The following SMOC2 variants were observed in gnomAD, a reference collection of about 807,000 sequenced individuals.
The protein encoded by SMOC2 is SPARC-related modular calcium-binding protein 2.
Under a neutral mutation model 61.4 loss-of-function variants are expected in SMOC2, and 39 were observed. That is an observed-to-expected ratio of 0.64 (90% CI 0.49 to 0.83). The LOEUF (loss-of-function observed/expected upper bound fraction) is 0.83, where lower values mean the gene tolerates loss of function less well. SMOC2 is among the 40% of genes least tolerant of loss of function. SMOC2 has a pLI of 0.00. For synonymous variants in SMOC2, 247 were observed against 239.9 expected, an observed-to-expected ratio of 1.03 and a Z score of -0.27; for missense variants, 556 against 592.9, an observed-to-expected ratio of 0.94 and a Z score of 0.65.
chr6:168,513,502 C>T (rs1237408061), intron 2 of SMOC2, among the ~76,000 whole-genome samples: 2 of 151,410 alleles, frequency 1.3e-5, no homozygotes, highest in East Asian at 1.9e-4. Context: ...CACACACACA[C>T]ATAGACACTC....
At chr6:168,661,109 T>C (rs536998487) in intron 11 of SMOC2, among the ~76,000 whole-genome samples, 15 of 93,752 alleles carry the variant, frequency 1.6e-4, no homozygotes, top group African/African-American at 6.3e-4. Flanking sequence ...TTCATTTTCC[T>C]TACAGAATTT....
At chr6:168,556,776 T>A (rs1583106398) in intron 7 of SMOC2, among the ~76,000 whole-genome samples, 1 of 115,994 alleles carries the variant, frequency 8.6e-6, no homozygotes, top group Non-Finnish European at 1.6e-5. Context: ...CGCTGTGTGA[T>A]ATTCCCCTTC....
chr6:168,560,191 C>T (rs547089188), intron 7 of SMOC2, among the ~76,000 whole-genome samples: 16 of 152,282 alleles, frequency 1.1e-4, no homozygotes, highest in South Asian at 2.1e-4. Context: ...ACATTTGTGT[C>T]TCAGATAAAA....
At chr6:168,571,329 T>TA (rs1193941959) in intron 7 of SMOC2, among the ~76,000 whole-genome samples, 1 of 152,218 alleles carries the variant, frequency 6.6e-6, no homozygotes, top group African/African-American at 2.4e-5. Flanking sequence ...TGTATTCTGT[T>TA]ACGCAGTGCT....
intron 8 of SMOC2, among the ~76,000 whole-genome samples, chr6:168,603,958 A>G (rs1785622180): frequency 6.6e-6 from 1 of 152,214 alleles, no homozygotes; most frequent in Non-Finnish European, 1.5e-5. Flanking sequence ...ATGTAGTGAG[A>G]TGAGAAACTG....
At chr6:168,638,685 A>T (rs1485812238) in intron 9 of SMOC2, among the ~76,000 whole-genome samples, 4 of 152,142 alleles carry the variant, frequency 2.6e-5, no homozygotes, top group African/African-American at 7.2e-5. Flanking sequence ...AACTGAAAAG[A>T]CTGCGAAGGT....
intron 11 of SMOC2, among the ~76,000 whole-genome samples, chr6:168,660,556 C>T (rs546942725): frequency 6.6e-6 from 1 of 152,236 alleles, no homozygotes; most frequent in Non-Finnish European, 1.5e-5. Flanking sequence ...TGGCTTAGGA[C>T]CCAAGCGTTT....
chr6:168,519,508 C>G (rs6899349), intron 2 of SMOC2, among the ~76,000 whole-genome samples: 29,506 of 152,102 alleles, frequency 0.19, 3,070 homozygotes, highest in Admixed American at 0.25. Context: ...TCCTCACAGG[C>G]TGGGGTAGAC....
intron 1 of SMOC2, among the ~76,000 whole-genome samples, chr6:168,450,406 A>G (rs983856015): frequency 6.6e-6 from 1 of 152,196 alleles, no homozygotes; most frequent in Non-Finnish European, 1.5e-5. Flanking sequence ...CTCTTAATGA[A>G]TCAACAGGAA....
At chr6:168,522,524 G>A (rs2749270) in intron 2 of SMOC2, among the ~76,000 whole-genome samples, 86,951 of 152,124 alleles carry the variant, frequency 0.57, 28,034 homozygotes, top group Non-Finnish European at 0.72. Context: ...AAAGGAACAT[G>A]GCTCTGAAAC....
rs79627163 is a variant in SMOC2, at chr6:168,494,587, C to T, written c.85-15328C>T. ...AAGATAGGGGATCACTTCCTAAGCA[C>T]GTTGAAAATGAGTGGGCAGTGCCCT... On this transcript the variant is annotated intron_variant, in intron 1 of 12. Transcript: ENST00000356284. Among the ~76,000 whole-genome samples the T allele has an allele frequency of 1.6e-3, 248 of 152,354 alleles. 3 individuals are homozygous for T. The East Asian group carries it at 0.042, about 26-fold the overall frequency.
chr6:168,566,478 T>TC (rs1554241757), intron 7 of SMOC2, among the ~76,000 whole-genome samples: 1 of 128,108 alleles, frequency 7.8e-6, no homozygotes, highest in South Asian at 2.6e-4. Flanking sequence ...TTGTAGCACT[T>TC]CTTTTTTTTT....
intron 12 of SMOC2, chr6:168,665,239 C>T (rs1407091322): frequency 1.3e-5 from 2 of 154,686 alleles, no homozygotes; most frequent in African/African-American, 4.8e-5. Flanking sequence ...CCTCCTGCTT[C>T]AGCTCTTTTT....
At chr6:168,610,210 GAGA>G (rs1348217713) in intron 9 of SMOC2, among the ~76,000 whole-genome samples, 1 of 152,164 alleles carries the variant, frequency 6.6e-6, no homozygotes, top group East Asian at 1.9e-4. Flanking sequence ...AAAACAGGAG[GAGA>G]AGGATGGTTA....
intron 11 of SMOC2, among the ~76,000 whole-genome samples, chr6:168,659,573 A>AGTGAGGGTGGAGGTTGTT (rs1787429160): frequency 3.1e-5 from 2 of 64,682 alleles, no homozygotes; most frequent in African/African-American, 6.1e-5. Context: ...TTGTAGGTTG[A>AGTGAGGGTGGAGGTTGTT]GTCAGGGTGG....
At chr6:168,613,064 A>C (rs914641236) in intron 9 of SMOC2, among the ~76,000 whole-genome samples, 2 of 152,172 alleles carry the variant, frequency 1.3e-5, no homozygotes, top group African/African-American at 4.8e-5. Flanking sequence ...TATTCGAATG[A>C]GCAGACTGGC....
At position 168,599,098 on chromosome 6, in the gene SMOC2, C is replaced by T. The variant is rs555912894; in HGVS notation, c.824+94C>T. On this transcript the variant is annotated intron_variant, in intron 8 of 12. Transcript: ENST00000356284. ...AACCCCCACTTCCCCCAACACACAC[C>T]GACACACAGTCACACACACACTCAC... 4.9e-4 allele frequency: 557 copies of T among 1,143,038 alleles called. No homozygotes were observed. The South Asian group carries it at 5.7e-3, about 12-fold the overall frequency. The allele number at this position is 1,143,038 out of a possible 1,614,324, so 70.8% of individuals were successfully genotyped here.
chr6:168,636,888 TCCCACCTCCCTCCTG>T (rs1375399684), intron 9 of SMOC2, among the ~76,000 whole-genome samples: 1 of 38,584 alleles, frequency 2.6e-5, no homozygotes, highest in Admixed American at 3.2e-4. Context: ...GCCTCCCTCC[TCCCACCTCCCTCCTG>T]CCCGCATCCC....
intron 7 of SMOC2, among the ~76,000 whole-genome samples, chr6:168,584,343 C>T (rs1784997001): frequency 6.6e-6 from 1 of 152,206 alleles, no homozygotes; most frequent in East Asian, 1.9e-4. Context: ...TTCACACTTT[C>T]TAATGAAAAC....
Sources: allele counts gnomAD v4.1 joint callset (sites outside exome capture counted in the v4.1 genomes callset), GRCh38; gene constraint gnomAD v4.1.1; transcripts MANE v1.5; gene names NCBI Gene and HGNC (gene_info 2026-07-23, HGNC 2026-07-21).